The following IPP variants were observed in gnomAD, a reference collection of about 807,000 sequenced individuals.
IPP encodes the protein intracisternal A particle-promoted polypeptide.
IPP carries 41 observed loss-of-function variants against 64.1 expected under a neutral mutation model. That is an observed-to-expected ratio of 0.64 (90% CI 0.50 to 0.83). The LOEUF is 0.83. Ranked by LOEUF, IPP falls within the 40% of genes least tolerant of loss-of-function variation. IPP has a pLI of 0.00. For missense variants in IPP, 649 were observed against 703.0 expected (o/e 0.92, Z 0.87); for synonymous variants, 214 against 235.2 (o/e 0.91, Z 0.83).
chr1:45,735,466 C>CTTTTTTTTTTT (rs756979985), intron 3 of IPP, among the ~76,000 whole-genome samples: 2 of 57,940 alleles, frequency 3.5e-5, no homozygotes, highest in African/African-American at 7.1e-5. Context: ...TTTAATTTTG[C>CTTTTTTTTTTT]TTTTTTTTTT....
chr1:45,699,881 C>T lies in IPP; in HGVS notation c.*85G>A, dbSNP rs1645428811. On this transcript the variant is annotated 3_prime_UTR_variant, in exon 9 of 9. Coordinates refer to ENST00000396478, the MANE Select transcript of IPP (RefSeq NM_005897.3). ...TGGAAAACTCACAGAATCAGAGGGT[C>T]TTATCACCAAATCTATGTTTGCTTT... The T allele has an allele frequency of 6.4e-7, 1 of 1,556,706 alleles. No homozygotes were observed. The highest frequency in any genetic ancestry group is 1.4e-5 in the African/African-American group (1 of 73,426).
intron 3 of IPP, among the ~76,000 whole-genome samples, chr1:45,737,457 CTT>C (rs778748035): frequency 2.2e-4 from 27 of 121,224 alleles, no homozygotes; most frequent in Admixed American, 4.2e-4. Context: ...ATAAACAATT[CTT>C]TTTTTTTTTT....
Position 45,721,647 on chromosome 1 carries a change from T to C in IPP, c.1049-2307A>G, listed in dbSNP as rs139026349. On this transcript the variant is annotated intron_variant, in intron 5 of 8. Transcript: ENST00000396478. ...GTGGAGACAATTACATGCTAAACCT[T>C]TTAAGTCCTTTTAGCAAATCACTAA... Among the ~76,000 whole-genome samples, 1,070 of 152,340 alleles carry C rather than the reference T, an allele frequency of 7.0e-3. 9 individuals are homozygous for C. The highest frequency in any genetic ancestry group is 0.025 in the African/African-American group (1,019 of 41,580).
chr1:45,746,113 A>G lies in IPP; in HGVS notation c.292+7T>C. 1 of 1,607,390 alleles carries G rather than the reference A, an allele frequency of 6.2e-7. No individual in the cohort carries two copies. Among genetic ancestry groups the G allele is most frequent in the Non-Finnish European group, 8.5e-7 (1 of 1,174,362 alleles). On this transcript the variant is annotated splice_region_variant and intron_variant, in intron 2 of 8. Coordinates refer to ENST00000396478, the MANE Select transcript of IPP (RefSeq NM_005897.3). ...TTCAGTCAAAGCAACAGACTCATGTAACATACCTGTGTAAATGAAATCTAG... is the reference window on the plus strand; with the variant it reads ...TTCAGTCAAAGCAACAGACTCATGTGACATACCTGTGTAAATGAAATCTAG...
chr1:45,747,109 CGCGCACACGAGCGCGCGCGCGCGCTTCA>C (rs1646145943), intron 1 of IPP, among the ~76,000 whole-genome samples: 1 of 150,040 alleles, frequency 6.7e-6, no homozygotes, highest in African/African-American at 2.4e-5. Context: ...CGCGCATGCG[CGCGCACACGAGCGCGCGCGCGCGCTTCA>C]GAGCTCCTTG....
chr1:45,713,979 AAAAT>A (rs1182620214), intron 8 of IPP, among the ~76,000 whole-genome samples: 2 of 152,218 alleles, frequency 1.3e-5, no homozygotes, highest in South Asian at 2.1e-4. Flanking sequence ...AAAAAATTAA[AAAAT>A]AAATAAATAG....
intron 7 of IPP, 63 bp downstream of exon 7, chr1:45,716,832 C>G (rs1645665247): frequency 7.1e-7 from 1 of 1,408,928 alleles, no homozygotes; most frequent in African/African-American, 1.4e-5. Context: ...GAAAATAAGG[C>G]CTCAAACTCA....
chr1:45,714,599 A>C, intron 7 of IPP, 133 bp from the exon 8 acceptor site: 1 of 637,932 alleles, frequency 1.6e-6, no homozygotes, highest in Non-Finnish European at 2.7e-6. Flanking sequence ...TATTTAAGAG[A>C]GAAAATCAAC....
downstream of IPP, chr1:45,694,880 A>C (rs1569929313): frequency 6.1e-6 from 1 of 163,096 alleles, no homozygotes; most frequent in East Asian, 1.8e-4. Context: ...GAGCAGGCCT[A>C]TCTAGTTCTA....
chr1:45,720,265 T>A lies in IPP; in HGVS notation c.1049-925A>T, dbSNP rs79306868. On this transcript the variant is annotated intron_variant, in intron 5 of 8. Transcript: ENST00000396478. ...TAATTTAGAATTTTAAAATAAGATATTTAGGAGTAAATCTAACCAAAGATT... is the reference window on the plus strand; with the variant it reads ...TAATTTAGAATTTTAAAATAAGATAATTAGGAGTAAATCTAACCAAAGATT... Among the ~76,000 whole-genome samples, 460 of 152,164 alleles carry A rather than the reference T, an allele frequency of 3.0e-3. 4 individuals carry two copies. Among genetic ancestry groups the A allele is most frequent in the East Asian group, 0.023 (117 of 5,180 alleles).
chr1:45,715,361 G>C (rs568673921), intron 7 of IPP, among the ~76,000 whole-genome samples: 68 of 151,882 alleles, frequency 4.5e-4, no homozygotes, highest in African/African-American at 1.6e-3. Flanking sequence ...TGTGGGCTAG[G>C]CCGGGCGCGG....
chr1:45,719,243 G>A lies in IPP; in HGVS notation c.1146C>T (p.Gly382=). ...TVASMNHPRC[G]LGVCVCYGAI... is the part of the protein sequence containing the mutation. ...CCCCATAACACACACACACTCCTAA[G>A]CCGCAGCGGGGATGATTCATCGAAG... Residue 382 remains glycine (G), a synonymous_variant, in exon 6 of 9, where the codon GGC becomes GGT. Coordinates refer to ENST00000396478, the MANE Select transcript of IPP (RefSeq NM_005897.3). 6.2e-7 allele frequency: 1 copy of A among 1,613,900 alleles called. No individual in the cohort carries two copies. Among genetic ancestry groups the A allele is most frequent in the Non-Finnish European group, 8.5e-7 (1 of 1,179,870 alleles).
chr1:45,742,860 A>G (rs1646084653), intron 2 of IPP, among the ~76,000 whole-genome samples: 1 of 152,130 alleles, frequency 6.6e-6, no homozygotes, highest in African/African-American at 2.4e-5. Context: ...AATCTATAAC[A>G]TAAGAGAAAC....
chr1:45,699,951 G>T lies in IPP; in HGVS notation c.*15C>A. 1 of 1,613,674 alleles carries T rather than the reference G, an allele frequency of 6.2e-7. No individual in the cohort carries two copies. Among genetic ancestry groups the T allele is most frequent in the Non-Finnish European group, 8.5e-7 (1 of 1,179,720 alleles). ...ATTTTCAAAATGTTCCTTGTGCTCT[G>T]TTATGCTTTATATTTCATAGCACAG... On this transcript the variant is annotated 3_prime_UTR_variant, in exon 9 of 9. Coordinates refer to ENST00000396478, the MANE Select transcript of IPP (RefSeq NM_005897.3).
At chr1:45,712,076 A>G (rs61784799) in intron 8 of IPP, among the ~76,000 whole-genome samples, 109,931 of 151,874 alleles carry the variant, frequency 0.72, 39,949 homozygotes, top group African/African-American at 0.78. Flanking sequence ...AGCACTTTGG[A>G]AGGCCGAGTC....
chr1:45,708,795 G>T lies in IPP; in HGVS notation c.1530+5451C>A, dbSNP rs372167387. On this transcript the variant is annotated intron_variant, in intron 8 of 8. Coordinates refer to ENST00000396478, the MANE Select transcript of IPP (RefSeq NM_005897.3). Reference sequence around the variant, plus strand: ...GCCTGTAATCCCAGCACTTTGGGAGGCCAAGGCAGGTAGATCACCTGAAGC... The same window carrying T: ...GCCTGTAATCCCAGCACTTTGGGAGTCCAAGGCAGGTAGATCACCTGAAGC... Among the ~76,000 whole-genome samples, 89 of 151,948 alleles carry T rather than the reference G, an allele frequency of 5.9e-4. No homozygotes were observed. In the East Asian group the frequency reaches 0.013, roughly 23 times the overall value.
At position 45,723,398 on chromosome 1, in the gene IPP, C is replaced by T. The variant is rs184660421; in HGVS notation, c.1049-4058G>A. Among the ~76,000 whole-genome samples, 181 of 152,200 alleles carry T rather than the reference C, an allele frequency of 1.2e-3. 2 individuals carry two copies. Among genetic ancestry groups the T allele is most frequent in the Non-Finnish European group, 1.2e-3 (81 of 68,006 alleles). On this transcript the variant is annotated intron_variant, in intron 5 of 8. Coordinates refer to ENST00000396478, the MANE Select transcript of IPP (RefSeq NM_005897.3). ...GTATTAATAGCTAGTGAAGTCATAG[C>T]AGTTTTGAAGAGCCTCTGTAAGCAC... is the stretch of plus-strand genomic sequence containing the variant.
At chr1:45,728,384 A>G (rs991681586) in intron 4 of IPP, among the ~76,000 whole-genome samples, 1 of 151,950 alleles carries the variant, frequency 6.6e-6, no homozygotes, top group African/African-American at 2.4e-5. Context: ...ATTATAAATT[A>G]TCTCATACAT....
chr1:45,745,352 A>G (rs939300188), intron 2 of IPP, among the ~76,000 whole-genome samples: 2 of 152,198 alleles, frequency 1.3e-5, no homozygotes, highest in Non-Finnish European at 2.9e-5. Flanking sequence ...GTGTAAATAC[A>G]TATAAGTTTT....
Sources: allele counts gnomAD v4.1 joint callset (sites outside exome capture counted in the v4.1 genomes callset), GRCh38; gene constraint gnomAD v4.1.1; transcripts MANE v1.5; gene names NCBI Gene and HGNC (gene_info 2026-07-23, HGNC 2026-07-21).